The following SLCO3A1 variants were observed in gnomAD, a reference collection of about 807,000 sequenced individuals.
The protein encoded by SLCO3A1 is PGE1 transporter.
SLCO3A1 carries 27 observed loss-of-function variants against 63.1 expected under a neutral mutation model. The observed-to-expected ratio is 0.43, with a 90% CI of 0.32 to 0.59. The LOEUF is 0.59. SLCO3A1 is among the 20% of genes least tolerant of loss of function. The pLI is 0.09. For synonymous variants in SLCO3A1, 473 were observed against 409.9 expected (o/e 1.15, Z -1.86); for missense variants, 773 against 945.8 (o/e 0.82, Z 2.40).
intron 2 of SLCO3A1, among the ~76,000 whole-genome samples, chr15:92,006,065 C>T (rs1247486116): frequency 6.6e-6 from 1 of 152,082 alleles, no homozygotes; most frequent in African/African-American, 2.4e-5. Flanking sequence ...GTTGCTCTGT[C>T]GTCTCATGCT....
intron 4 of SLCO3A1, among the ~76,000 whole-genome samples, chr15:92,107,275 G>A (rs1441533780): frequency 6.6e-6 from 1 of 152,236 alleles, no homozygotes; most frequent in Non-Finnish European, 1.5e-5. Context: ...AGAAGAAAGT[G>A]TTTCTGCAAG....
At position 91,897,333 on chromosome 15, in the gene SLCO3A1, C is replaced by T. The variant is rs1838151976; in HGVS notation, c.181-18660C>T. Among the ~76,000 whole-genome samples, 1 of 152,034 alleles carries T rather than the reference C, an allele frequency of 6.6e-6. No homozygotes were observed. Among genetic ancestry groups the T allele is most frequent in the African/African-American group, 2.4e-5 (1 of 41,400 alleles). On this transcript the variant is annotated intron_variant, in intron 1 of 9. Coordinates refer to ENST00000318445, the MANE Select transcript of SLCO3A1 (RefSeq NM_013272.4). This position sits in a 1 kb window ranked among gnomAD's most constrained non-coding sequence, Gnocchi z 4.7. ...GGGCATGGTGGCGGGCACCTATAAT[C>T]CCAGCTACTCAGGAGGCTGAGGCAC...
At chr15:91,899,270 G>A (rs886521847) in intron 1 of SLCO3A1, among the ~76,000 whole-genome samples, 2 of 152,094 alleles carry the variant, frequency 1.3e-5, no homozygotes, top group African/African-American at 4.8e-5. Flanking sequence ...AGTTCAGTGT[G>A]GGGGGGATGG....
downstream of SLCO3A1, among the ~76,000 whole-genome samples, chr15:92,166,823 G>A (rs149934604): frequency 2.3e-4 from 35 of 152,298 alleles, no homozygotes; most frequent in African/African-American, 6.7e-4. Flanking sequence ...CTGGGTCCCC[G>A]TGTGCCTGCT....
intron 2 of SLCO3A1, among the ~76,000 whole-genome samples, chr15:92,078,554 C>CTCACA (rs2151521193): frequency 6.6e-6 from 1 of 152,330 alleles, no homozygotes; most frequent in South Asian, 2.1e-4. Flanking sequence ...TACTGTCTGC[C>CTCACA]TCACATCTTG....
intron 1 of SLCO3A1, among the ~76,000 whole-genome samples, chr15:91,906,195 A>G (rs530254579): frequency 1.3e-5 from 2 of 152,244 alleles, no homozygotes; most frequent in East Asian, 1.9e-4. Flanking sequence ...CAAATGTTCA[A>G]CATGATTGTA....
intron 2 of SLCO3A1, among the ~76,000 whole-genome samples, chr15:92,003,368 C>T (rs1192898079): frequency 6.6e-6 from 1 of 152,182 alleles, no homozygotes; most frequent in Non-Finnish European, 1.5e-5. Flanking sequence ...AATGTCTCGG[C>T]TTCAGAGAAG....
intron 2 of SLCO3A1, among the ~76,000 whole-genome samples, chr15:92,088,712 G>T (rs955712751): frequency 6.6e-6 from 1 of 152,132 alleles, no homozygotes; most frequent in Non-Finnish European, 1.5e-5. Flanking sequence ...CATCTTCAAA[G>T]CCAGCATGAC....
chr15:91,988,044 T>G (rs191084148), intron 2 of SLCO3A1, among the ~76,000 whole-genome samples: 1 of 152,212 alleles, frequency 6.6e-6, no homozygotes, highest in East Asian at 1.9e-4. Context: ...TGACAGATAA[T>G]TGTGTTTTAT....
chr15:92,075,697 A>C (rs768193487), intron 2 of SLCO3A1, among the ~76,000 whole-genome samples: 1 of 152,212 alleles, frequency 6.6e-6, no homozygotes, highest in Non-Finnish European at 1.5e-5. Context: ...ATAACATGCC[A>C]GTGTATCCAT....
chr15:92,069,514 C>T (rs116160138), intron 2 of SLCO3A1, among the ~76,000 whole-genome samples: 117 of 152,336 alleles, frequency 7.7e-4, no homozygotes, highest in African/African-American at 2.6e-3. Context: ...TTTGCATTCA[C>T]TACGCAAGGG....
chr15:92,015,116 G>A (rs575947411), intron 2 of SLCO3A1, among the ~76,000 whole-genome samples: 1 of 152,312 alleles, frequency 6.6e-6, no homozygotes, highest in African/African-American at 2.4e-5. Context: ...TTGGAGTGAT[G>A]TCCTACTGAT....
chr15:92,159,506 A>G (rs951894905), intron 9 of SLCO3A1, among the ~76,000 whole-genome samples: 1 of 151,644 alleles, frequency 6.6e-6, no homozygotes, highest in Non-Finnish European at 1.5e-5. Flanking sequence ...AATTTATTTC[A>G]TCTCTACCAC....
chr15:91,883,689 A>C lies in SLCO3A1; in HGVS notation c.180+29601A>C, dbSNP rs1024982724. The stretch of plus-strand genomic sequence containing the variant: ...TTGTTCATACGCTCATAATTAGTTC[A>C]TGTGTTTTGCTGGGTTGTGCATAGA... On this transcript the variant is annotated intron_variant, in intron 1 of 9. Transcript: ENST00000318445. This position sits in a 1 kb window ranked among gnomAD's most constrained non-coding sequence, Gnocchi z 4.8. Among the ~76,000 whole-genome samples the C allele has an allele frequency of 7.9e-5, 12 of 152,166 alleles. No homozygotes were observed. The highest frequency in any genetic ancestry group is 2.9e-4 in the African/African-American group (12 of 41,440).
chr15:92,036,216 T>C (rs563272243), intron 2 of SLCO3A1, among the ~76,000 whole-genome samples: 2 of 152,326 alleles, frequency 1.3e-5, no homozygotes, highest in African/African-American at 4.8e-5. Flanking sequence ...TGGAGCACAT[T>C]CTTTTCTGAT....
intron 2 of SLCO3A1, among the ~76,000 whole-genome samples, chr15:91,949,038 C>T (rs1452335644): frequency 6.6e-6 from 1 of 151,992 alleles, no homozygotes; most frequent in Non-Finnish European, 1.5e-5. Context: ...TCATTGTTAT[C>T]CTTGAGTATT....
At chr15:92,139,673 C>T (rs377211612) in intron 7 of SLCO3A1, among the ~76,000 whole-genome samples, 8 of 152,222 alleles carry the variant, frequency 5.3e-5, no homozygotes, top group Admixed American at 1.3e-4. Context: ...TGGTCTATTC[C>T]GAGATTCAAC....
chr15:92,166,268 T>A (rs1412306958), downstream of SLCO3A1, among the ~76,000 whole-genome samples: 2 of 151,554 alleles, frequency 1.3e-5, no homozygotes, highest in Admixed American at 1.3e-4. Context: ...AGCGAAGGAG[T>A]GGAAGCAGCC....
chr15:92,049,727 A>G (rs1428141170), intron 2 of SLCO3A1, among the ~76,000 whole-genome samples: 4 of 152,234 alleles, frequency 2.6e-5, no homozygotes, highest in Non-Finnish European at 5.9e-5. Context: ...CAACCTAGAT[A>G]TTAACAGCAG....
Sources: allele counts gnomAD v4.1 joint callset (sites outside exome capture counted in the v4.1 genomes callset), GRCh38; gene constraint gnomAD v4.1.1; non-coding constraint Gnocchi (gnomAD v3.1); transcripts MANE v1.5; gene names NCBI Gene and HGNC (gene_info 2026-07-23, HGNC 2026-07-21).